The following ABHD18 variants were observed in gnomAD, a reference collection of about 807,000 sequenced individuals.
ABHD18 encodes the protein abhydrolase domain containing 18, also known as cardiolipin-specific deacylase, mitochondrial.
Under a neutral mutation model 65.9 loss-of-function variants are expected in ABHD18, and 55 were observed. The observed-to-expected ratio is 0.84, with a 90% CI of 0.67 to 1.05. ABHD18 has a LOEUF of 1.05. Among genes scored for constraint, ABHD18 ranks in the 50% least tolerant of loss-of-function variants. ABHD18 has a pLI of 0.00. For synonymous variants in ABHD18, 181 were observed against 180.2 expected, an observed-to-expected ratio of 1.00 and a Z score of -0.04; for missense variants, 533 against 558.5, an observed-to-expected ratio of 0.95 and a Z score of 0.46.
At chr4:127,986,870 C>T (rs977339903) in intron 3 of ABHD18, among the ~76,000 whole-genome samples, 5 of 152,130 alleles carry the variant, frequency 3.3e-5, no homozygotes, top group Non-Finnish European at 5.9e-5. Flanking sequence ...AAACCCTTTG[C>T]TCCTTTTTAC....
intron 4 of ABHD18, among the ~76,000 whole-genome samples, chr4:128,003,944 G>T (rs528602818): frequency 7.1e-4 from 75 of 105,830 alleles, no homozygotes; most frequent in Non-Finnish European, 1.2e-3. Flanking sequence ...ACCCTGTCTC[G>T]ATTTAAAAAA....
Position 128,035,716 on chromosome 4 carries a change from C to T in ABHD18, c.1344-46C>T, listed in dbSNP as rs1758817659. 5.2e-6 allele frequency: 6 copies of T among 1,150,168 alleles called. No homozygotes were observed. The South Asian group carries it at 5.8e-5, about 11-fold the overall frequency. The allele number at this position is 1,150,168 out of a possible 1,614,324, so 71.2% of individuals were successfully genotyped here. ...TACAGTAAAGGCATTGTTTGTCCCC[C>T]CTTTTTGTTAGTTACTTAGAGTTTT... On this transcript the variant is annotated intron_variant, in intron 12 of 12. Coordinates refer to ENST00000645843, the MANE Select transcript of ABHD18 (RefSeq NM_001358451.3).
At position 127,965,480 on chromosome 4, in the gene ABHD18, T is replaced by G; in HGVS notation, c.-144T>G. The G allele has an allele frequency of 2.4e-6, 1 of 419,974 alleles. No homozygotes were observed. 26.0% of individuals were successfully genotyped at this position (419,974 alleles called of 1,614,324 possible). The stretch of plus-strand genomic sequence containing the variant: ...CCTTCCGCTGTATCTAGCATTTCGG[T>G]TCCTGGAAAGGTTACCGGAGCTGCG... On this transcript the variant is annotated 5_prime_UTR_variant, in exon 1 of 13. Transcript: ENST00000645843.
chr4:127,971,824 A>G (rs1746879897), intron 1 of ABHD18, among the ~76,000 whole-genome samples: 1 of 152,050 alleles, frequency 6.6e-6, no homozygotes. Flanking sequence ...TGTAACACTA[A>G]TCAGAATTTT....
intron 4 of ABHD18, among the ~76,000 whole-genome samples, chr4:128,002,885 C>T (rs1752920319): frequency 6.6e-6 from 1 of 151,398 alleles, no homozygotes; most frequent in Non-Finnish European, 1.5e-5. Context: ...CTCAGGTGAT[C>T]CACCTGCCTC....
chr4:128,034,927 C>T (rs1020883097), intron 12 of ABHD18, among the ~76,000 whole-genome samples: 1 of 152,198 alleles, frequency 6.6e-6, no homozygotes, highest in African/African-American at 2.4e-5. Context: ...GCTGGGATTA[C>T]AGGCTTGAGC....
At chr4:128,034,722 GC>G (rs563143412) in intron 12 of ABHD18, among the ~76,000 whole-genome samples, 145 of 151,754 alleles carry the variant, frequency 9.6e-4, no homozygotes, top group Non-Finnish European at 1.3e-3. Context: ...TGTGATCTCA[GC>G]TCACACAACC....
chr4:128,009,130 A>C lies in ABHD18; in HGVS notation c.381A>C (p.Leu127=). The C allele has an allele frequency of 6.4e-7, 1 of 1,565,134 alleles. No individual in the cohort carries two copies. The highest frequency in any genetic ancestry group is 2.3e-5 in the East Asian group (1 of 42,942). Residue 127 remains leucine, a synonymous_variant, in exon 6 of 13, where the codon CTA becomes CTC. Coordinates refer to ENST00000645843, the MANE Select transcript of ABHD18 (RefSeq NM_001358451.3). ...GDHHYWRRRT[L]MARPMIKEAR... Reference sequence around the variant, plus strand: ...AGCATTACTGGAGGCGACGAACACTAATGGCCCGTCCTATGATTAAAGAAG... The same window carrying C: ...AGCATTACTGGAGGCGACGAACACTCATGGCCCGTCCTATGATTAAAGAAG...
chr4:128,028,662 T>G lies in ABHD18; in HGVS notation c.989T>G (p.Leu330Ter). The G allele has an allele frequency of 1.9e-6, 3 of 1,613,858 alleles. No individual in the cohort carries two copies. The highest frequency in any genetic ancestry group is 2.5e-6 in the Non-Finnish European group (3 of 1,179,856). Residue 330 changes from leucine (L) to a stop codon, truncating the protein, a stop_gained, in exon 11 of 13, where the codon TTA becomes TGA. Transcript: ENST00000645843. LOFTEE classifies it high-confidence loss of function. ...TSVSATSEGL[L>*]LQDTSKMKRF... The stretch of plus-strand genomic sequence containing the variant: ...GTCAGTGCGACATCAGAAGGACTCT[T>G]ATTGCAAGATACCTCTAAGATGAAG...
chr4:127,976,846 C>G (rs1579143695), intron 1 of ABHD18, among the ~76,000 whole-genome samples: 2 of 152,150 alleles, frequency 1.3e-5, no homozygotes, highest in South Asian at 4.2e-4. Context: ...TCAAGACCAT[C>G]CTGGCTAACA....
rs1233914674 is a variant in ABHD18, at chr4:128,030,585, G to A, written c.1256G>A (p.Ser419Asn). 4.4e-6 allele frequency: 7 copies of A among 1,608,696 alleles called. No homozygotes were observed. Among genetic ancestry groups the A allele is most frequent in the Non-Finnish European group, 5.9e-6 (7 of 1,179,098 alleles). Residue 419 changes from serine (S) to asparagine (N), a missense_variant, in exon 12 of 13, where the codon AGT becomes AAT. Coordinates refer to ENST00000645843, the MANE Select transcript of ABHD18 (RefSeq NM_001358451.3). ...TATATTCCACGAACAGGAGTTCGAA[G>A]TTTACAAGAAATTTGGCCTGGTTGT... ...DAYIPRTGVRSLQEIWPGCEI... is the reference protein window; with the variant it reads ...DAYIPRTGVRNLQEIWPGCEI...
rs17012841 is a variant in ABHD18, at chr4:127,987,787, C to G, written c.178-1934C>G. Among the ~76,000 whole-genome samples the G allele has an allele frequency of 3.9e-3, 597 of 151,842 alleles. 12 individuals are homozygous for G. The highest frequency in any genetic ancestry group is 2.0e-3 in the Non-Finnish European group (136 of 67,956). ...ATAGGCATAAAAAACTAAATTGGAA[C>G]GTTTTTTTGGATTAAAAATTCAGTT... On this transcript the variant is annotated intron_variant, in intron 3 of 12. Coordinates refer to ENST00000645843, the MANE Select transcript of ABHD18 (RefSeq NM_001358451.3).
At chr4:128,008,224 C>T (rs189601128) in intron 4 of ABHD18, among the ~76,000 whole-genome samples, 87 of 149,382 alleles carry the variant, frequency 5.8e-4, no homozygotes, top group Non-Finnish European at 3.0e-5. Flanking sequence ...ATCATGCCAC[C>T]GCCCTCTAGC....
intron 12 of ABHD18, among the ~76,000 whole-genome samples, chr4:128,032,500 T>C (rs962930119): frequency 6.6e-6 from 1 of 151,876 alleles, no homozygotes; most frequent in African/African-American, 2.4e-5. Flanking sequence ...GCCTGGCCAA[T>C]ATGGTAAAAC....
intron 8 of ABHD18, among the ~76,000 whole-genome samples, chr4:128,019,523 G>T (rs932519098): frequency 5.3e-5 from 8 of 152,162 alleles, no homozygotes; most frequent in African/African-American, 1.9e-4. Context: ...CATGAAGCCT[G>T]CCTTTCCCTT....
At chr4:128,001,696 T>A in intron 4 of ABHD18, 1 of 1,541,248 alleles carries the variant, frequency 6.5e-7, no homozygotes, top group Non-Finnish European at 8.7e-7. Flanking sequence ...GGTTTTGGTG[T>A]GTTCTTTTCT....
rs1759176305 is a variant in ABHD18, at chr4:128,039,490, T to G, written c.*3677T>G. The stretch of plus-strand genomic sequence containing the variant: ...ACCTCTAAGTTTGAGACCCCTGATT[T>G]AGATCTGTAATTAGAAAAAGGTTCT... On this transcript the variant is annotated 3_prime_UTR_variant, in exon 13 of 13. Transcript: ENST00000645843. 1 of 152,100 alleles carries G rather than the reference T, an allele frequency of 6.6e-6. No individual in the cohort carries two copies. The highest frequency in any genetic ancestry group is 1.5e-5 in the Non-Finnish European group (1 of 68,012). 9.4% of individuals were successfully genotyped at this position (152,100 alleles called of 1,614,324 possible).
In ABHD18 at chr4:127,989,807, A is replaced by G; in HGVS notation, c.264A>G (p.Glu88=). The part of the protein sequence containing the change: ...AHYVPDIMPI[E]SVIARFQFIV... ...ATGTGCCTGATATCATGCCAATTGA[A>G]TCTGTTATTGCAAGGTAAGAATTTT... Residue 88 remains glutamate (E), a synonymous_variant, in exon 4 of 13, where the codon GAA becomes GAG. Coordinates refer to ENST00000645843, the MANE Select transcript of ABHD18 (RefSeq NM_001358451.3). 1 of 1,584,294 alleles carries G rather than the reference A, an allele frequency of 6.3e-7. No individual in the cohort carries two copies.
At chr4:128,016,577 C>T (rs758357284) in intron 7 of ABHD18, among the ~76,000 whole-genome samples, 5 of 151,870 alleles carry the variant, frequency 3.3e-5, no homozygotes, top group African/African-American at 4.8e-5. Context: ...GAGTTCAAGA[C>T]CAGTCTGGCC....
Sources: allele counts gnomAD v4.1 joint callset (sites outside exome capture counted in the v4.1 genomes callset), GRCh38; gene constraint gnomAD v4.1.1; transcripts MANE v1.5; gene names NCBI Gene and HGNC (gene_info 2026-07-23, HGNC 2026-07-21).